The following NCAM1 variants were observed in gnomAD, a reference collection of about 807,000 sequenced individuals.
NCAM1 encodes the protein neural cell adhesion molecule 1.
Under a neutral mutation model 109.8 loss-of-function variants are expected in NCAM1, and 14 were observed. The ratio of observed to expected loss-of-function variants is 0.13; its 90% CI spans 0.08 to 0.20. The LOEUF is 0.20. Among genes scored for constraint, NCAM1 ranks in the 10% least tolerant of loss-of-function variants. The pLI is 1.00. For synonymous variants in NCAM1, 418 were observed against 442.9 expected, an observed-to-expected ratio of 0.94 and a Z score of 0.70; for missense variants, 774 against 1,109.9, an observed-to-expected ratio of 0.70 and a Z score of 4.30.
intron 1 of NCAM1, among the ~76,000 whole-genome samples, chr11:113,163,346 G>A (rs376678279): frequency 5.0e-4 from 76 of 152,264 alleles, no homozygotes; most frequent in Middle Eastern, 3.4e-3. Flanking sequence ...CTCAGCAGCC[G>A]GGTCAGCCAG....
chr11:113,170,912 A>G (rs1555106102), intron 1 of NCAM1, among the ~76,000 whole-genome samples: 1 of 152,208 alleles, frequency 6.6e-6, no homozygotes, highest in Non-Finnish European at 1.5e-5. Context: ...ATCTGAGCCG[A>G]TGTTGGTGTT....
rs1555112008 is a variant in NCAM1 at position 113,202,386 on chromosome 11, G to A, written c.60G>A (p.Leu20=). The A allele has an allele frequency of 6.4e-7, 1 of 1,554,000 alleles. No homozygotes were observed. The highest frequency in any genetic ancestry group is 1.4e-5 in the African/African-American group (1 of 71,402). The change falls in exon 2 of 20, where the codon CTG becomes CTA. Residue 20 remains leucine (L), a synonymous_variant. Coordinates refer to ENST00000316851, the MANE Select transcript of NCAM1 (RefSeq NM_181351.5). ...TTTGTTTTGTTTTTTCAGTTTCTCTGCAGGTGGATATTGTTCCCAGCCAGG... is the reference window on the plus strand; with the variant it reads ...TTTGTTTTGTTTTTTCAGTTTCTCTACAGGTGGATATTGTTCCCAGCCAGG... The part of the protein sequence containing the change: ...TLFFLGTAVS[L]QVDIVPSQGE...
rs367903607 is a variant in NCAM1, at chr11:113,277,323, T to C, written c.*1936T>C. The C allele has an allele frequency of 2.9e-4, 114 of 399,134 alleles. No individual in the cohort carries two copies. Among genetic ancestry groups the C allele is most frequent in the African/African-American group, 1.9e-3 (94 of 48,748 alleles). The allele number at this position is 399,134 out of a possible 1,614,324, so 24.7% of individuals were successfully genotyped here. On this transcript the variant is annotated 3_prime_UTR_variant, in exon 20 of 20. Transcript: ENST00000316851. Reference sequence around the variant, plus strand: ...AATAATGGTCTTGTCATTTGCTCAATGTGGGGTTATGTTGCATTTTCTCAG... The same window carrying C: ...AATAATGGTCTTGTCATTTGCTCAACGTGGGGTTATGTTGCATTTTCTCAG...
rs1944097739 is a variant in NCAM1 at position 113,202,461 on chromosome 11, C to G, written c.127+8C>G. 1 of 1,605,062 alleles carries G rather than the reference C, an allele frequency of 6.2e-7. No homozygotes were observed. Among genetic ancestry groups the G allele is most frequent in the Non-Finnish European group, 8.5e-7 (1 of 1,177,114 alleles). On this transcript the variant is annotated splice_region_variant and intron_variant, in intron 2 of 19. Coordinates refer to ENST00000316851, the MANE Select transcript of NCAM1 (RefSeq NM_181351.5). ...AATTCTTCTTATGCCAAGGCAAGTG[C>G]CTAGTGCTCAGCTGCATTTTAGAAC... is the stretch of plus-strand genomic sequence containing the variant.
intron 1 of NCAM1, among the ~76,000 whole-genome samples, chr11:113,071,633 G>A (rs1419630684): frequency 6.6e-6 from 1 of 151,978 alleles, no homozygotes; most frequent in African/African-American, 2.4e-5. Flanking sequence ...CACCGTGTTA[G>A]CCAGGATGGT....
chr11:113,017,345 A>G (rs1397895589), intron 1 of NCAM1, among the ~76,000 whole-genome samples: 1 of 152,238 alleles, frequency 6.6e-6, no homozygotes, highest in Non-Finnish European at 1.5e-5. Context: ...TAAAAGGCAG[A>G]TACAAAGTTA....
intron 1 of NCAM1, among the ~76,000 whole-genome samples, chr11:112,986,176 T>G (rs1178565319): frequency 6.6e-6 from 1 of 152,052 alleles, no homozygotes; most frequent in East Asian, 1.9e-4. Flanking sequence ...GATCATATGG[T>G]TTTTGTCCTT....
chr11:113,235,769 CT>C (rs1945148970), intron 14 of NCAM1, among the ~76,000 whole-genome samples: 1 of 152,216 alleles, frequency 6.6e-6, no homozygotes, highest in African/African-American at 2.4e-5. Flanking sequence ...TTGCTTCCCC[CT>C]GATTCCACTC....
intron 1 of NCAM1, among the ~76,000 whole-genome samples, chr11:113,190,006 G>C (rs1251987456): frequency 6.6e-6 from 1 of 152,066 alleles, no homozygotes; most frequent in African/African-American, 2.4e-5. Context: ...ATTAGCACAT[G>C]GGGGAGGTCC....
intron 14 of NCAM1, among the ~76,000 whole-genome samples, chr11:113,241,707 C>G (rs369075547): frequency 1.3e-5 from 2 of 152,202 alleles, no homozygotes; most frequent in East Asian, 1.9e-4. Flanking sequence ...AGTTTTGAAC[C>G]TAGCTTTCCA....
At chr11:113,050,931 T>C (rs182261817) in intron 1 of NCAM1, among the ~76,000 whole-genome samples, 2 of 152,382 alleles carry the variant, frequency 1.3e-5, no homozygotes, top group African/African-American at 4.8e-5. Context: ...ACCCATCTTA[T>C]ACGCATGCTG....
At chr11:113,138,981 G>A (rs17114972) in intron 1 of NCAM1, among the ~76,000 whole-genome samples, 18,203 of 152,162 alleles carry the variant, frequency 0.12, 1,716 homozygotes, top group East Asian at 0.24. Flanking sequence ...ATTCTGATAT[G>A]GAGGCAAATT....
At chr11:113,056,653 A>G (rs1378413140) in intron 1 of NCAM1, among the ~76,000 whole-genome samples, 1 of 152,170 alleles carries the variant, frequency 6.6e-6, no homozygotes. Flanking sequence ...GCCCACAAGG[A>G]AATGAATGCT....
intron 1 of NCAM1, among the ~76,000 whole-genome samples, chr11:112,968,419 G>A (rs1159953264): frequency 1.3e-5 from 2 of 152,182 alleles, no homozygotes; most frequent in Admixed American, 6.5e-5. Flanking sequence ...TGAAGATTTT[G>A]TTTTAGCTAT....
chr11:113,119,477 G>A (rs1940855241), intron 1 of NCAM1, among the ~76,000 whole-genome samples: 2 of 152,118 alleles, frequency 1.3e-5, no homozygotes, highest in Admixed American at 6.5e-5. Flanking sequence ...ACAGTGAATT[G>A]TCTTGTTTTT....
chr11:113,217,217 C>T (rs1204754745), intron 8 of NCAM1, among the ~76,000 whole-genome samples: 4 of 152,146 alleles, frequency 2.6e-5, no homozygotes, highest in African/African-American at 7.2e-5. Context: ...GAAGCCAGTC[C>T]GTCCCTGTCT....
chr11:113,246,199 G>T (rs1033755834), intron 14 of NCAM1, 169 bp from the exon 15 acceptor site: 1 of 550,656 alleles, frequency 1.8e-6, no homozygotes, highest in Non-Finnish European at 3.2e-6. Flanking sequence ...CTGTGATTTT[G>T]TTGTTGATTT....
chr11:113,206,143 G>A lies in NCAM1; in HGVS notation c.591G>A (p.Gly197=). The stretch of plus-strand genomic sequence containing the variant: ...GTGAGGGCAGAATCCTGGCACGGGG[G>A]GAGATCAACTTCAAGGACATTCAGG... ...YRCEGRILAR[G]EINFKDIQVI... is the part of the protein sequence containing the mutation. The change falls in exon 5 of 20, where the codon GGG becomes GGA. Residue 197 remains glycine (G), a synonymous_variant. Coordinates refer to ENST00000316851, the MANE Select transcript of NCAM1 (RefSeq NM_181351.5). 1.2e-6 allele frequency: 2 copies of A among 1,613,604 alleles called. No individual in the cohort carries two copies. The highest frequency in any genetic ancestry group is 1.3e-5 in the African/African-American group (1 of 75,000).
At chr11:113,012,313 G>A (rs1404506790) in intron 1 of NCAM1, among the ~76,000 whole-genome samples, 5 of 151,984 alleles carry the variant, frequency 3.3e-5, no homozygotes, top group African/African-American at 7.2e-5. Context: ...CACTGTGCCC[G>A]GCTGGGAAAA....
Sources: gnomAD v4.1 joint callset for allele counts (sites outside exome capture counted in the v4.1 genomes callset) on GRCh38, gnomAD v4.1.1 for gene constraint, MANE v1.5 for transcripts, NCBI Gene and HGNC (gene_info 2026-07-23, HGNC 2026-07-21) for gene names.